The following MTREX variants were observed in gnomAD, a reference collection of about 807,000 sequenced individuals.
The protein encoded by MTREX is Mtr4 exosome RNA helicase.
A neutral mutation model predicts 135.4 loss-of-function variants in MTREX; 76 were observed. The observed-to-expected ratio is 0.56, with a 90% CI of 0.47 to 0.68. The LOEUF is 0.68. Ranked by LOEUF, MTREX falls within the 30% of genes least tolerant of loss-of-function variation. The pLI, the probability that MTREX is intolerant of heterozygous loss-of-function variation, is 0.00. For missense variants in MTREX, 920 were observed against 1,262.1 expected, an observed-to-expected ratio of 0.73 and a Z score of 4.11; for synonymous variants, 404 against 401.6, an observed-to-expected ratio of 1.01 and a Z score of -0.07.
intron 22 of MTREX, among the ~76,000 whole-genome samples, chr5:55,408,663 G>C (rs534111950): frequency 6.6e-6 from 1 of 152,168 alleles, no homozygotes; most frequent in South Asian, 2.1e-4. Context: ...GATTATAGAA[G>C]TCTAGAAACA....
In MTREX at chr5:55,414,186, G is replaced by C. The variant is rs1750929566; in HGVS notation, c.2756G>C (p.Ser919Thr). Residue 919 changes from serine to threonine, a missense_variant, in exon 24 of 27, where the codon AGT (serine) becomes ACT (threonine). By Grantham distance (58) the Ser-to-Thr change is moderately conservative. This residue lies in a region of MTREX where 467 missense variants were observed against 589.7 expected (regional missense o/e 0.79). Transcript: ENST00000230640. ...TGTTTTCCTTTTCTTTTATAGTCTA[G>C]TGAGATGCCCAAATTAACAGAACAA... The part of the protein sequence containing the change: ...LSCFVFQENS[S>T]EMPKLTEQLA... 2.6e-6 allele frequency: 4 copies of C among 1,568,580 alleles called. No homozygotes were observed. The highest frequency in any genetic ancestry group is 3.4e-6 in the Non-Finnish European group (4 of 1,166,530).
chr5:55,395,538 A>G lies in MTREX; in HGVS notation c.2182-1878A>G, dbSNP rs1011775351. ...GGCAAACTGAAAGTTTAATGAAGAA[A>G]GGATATTTACAAAGTCTCTAAAGGC... On this transcript the variant is annotated intron_variant, in intron 19 of 26. Coordinates refer to ENST00000230640, the MANE Select transcript of MTREX (RefSeq NM_015360.5). 4.6e-5 allele frequency among the ~76,000 whole-genome samples: 7 copies of G among 152,210 alleles called. No homozygotes were observed. The East Asian group carries it at 1.2e-3, about 25-fold the overall frequency.
intron 5 of MTREX, among the ~76,000 whole-genome samples, chr5:55,330,812 T>C (rs1258302875): frequency 1.3e-5 from 2 of 152,154 alleles, no homozygotes; most frequent in South Asian, 2.1e-4. Flanking sequence ...ACTCAAGTTA[T>C]ACTTACAGCA....
At chr5:55,394,566 A>C (rs908071499) in intron 19 of MTREX, among the ~76,000 whole-genome samples, 1 of 152,100 alleles carries the variant, frequency 6.6e-6, no homozygotes. Context: ...CCATGTTTGC[A>C]CTGGTATGAG....
At chr5:55,349,475 C>T in intron 11 of MTREX, 98 bp from the exon 12 acceptor site, 1 of 719,100 alleles carries the variant, frequency 1.4e-6, no homozygotes, top group Non-Finnish European at 2.5e-6. Flanking sequence ...AAGCTTGGGA[C>T]ACCACGCCTG....
chr5:55,362,422 G>A (rs1399944240), intron 15 of MTREX, among the ~76,000 whole-genome samples: 1 of 152,062 alleles, frequency 6.6e-6, no homozygotes, highest in African/African-American at 2.4e-5. Context: ...GTGCAGTGGT[G>A]TGATCTTGGC....
In MTREX at chr5:55,425,096, A is replaced by G; in HGVS notation, c.*324A>G. On this transcript the variant is annotated 3_prime_UTR_variant, in exon 27 of 27. Coordinates refer to ENST00000230640, the MANE Select transcript of MTREX (RefSeq NM_015360.5). ...TGCATCCAAGAGGCATAGCAGCAGC[A>G]GAAGTCTTTAAAGGCTTGTACACCA... 1.5e-6 allele frequency: 2 copies of G among 1,377,500 alleles called. No individual in the cohort carries two copies. The highest frequency in any genetic ancestry group is 2.0e-6 in the Non-Finnish European group (2 of 1,012,742). 85.3% of individuals were successfully genotyped at this position (1,377,500 alleles called of 1,614,324 possible).
chr5:55,353,314 A>G (rs912630074), intron 14 of MTREX, 45 bp downstream of exon 14: 3 of 1,263,768 alleles, frequency 2.4e-6, no homozygotes, highest in Admixed American at 1.9e-5. Flanking sequence ...TGTCTTTGTT[A>G]TACTATAGAT....
Position 55,340,174 on chromosome 5 carries a change from T to C in MTREX, c.680T>C (p.Met227Thr). Reference protein sequence around the residue: ...TINPTASCLVMTTEILRSMLY... With the variant: ...TINPTASCLVTTTEILRSMLY... ...AATCCTACGGCATCTTGTCTTGTTA[T>C]GACCACAGAGGTAATTCATGTAGTG... The change falls in exon 6 of 27, where the codon ATG (methionine) becomes ACG (threonine). Residue 227 changes from methionine to threonine, a missense_variant. Coordinates refer to ENST00000230640, the MANE Select transcript of MTREX (RefSeq NM_015360.5). The C allele has an allele frequency of 6.3e-7, 1 of 1,580,224 alleles. No homozygotes were observed. The highest frequency in any genetic ancestry group is 8.6e-7 in the Non-Finnish European group (1 of 1,164,846).
At position 55,423,040 on chromosome 5, in the gene MTREX, T is replaced by C. The variant is rs762084585; in HGVS notation, c.3076+58T>C. 5.1e-6 allele frequency: 7 copies of C among 1,365,402 alleles called. No individual in the cohort carries two copies. In the African/African-American group the frequency reaches 1.0e-4, roughly 20 times the overall value. The allele number at this position is 1,365,402 out of a possible 1,614,324, so 84.6% of individuals were successfully genotyped here. A position where few individuals can be genotyped will look rare whatever the true frequency, so the allele number is the denominator to read the frequency against. On this transcript the variant is annotated intron_variant, in intron 26 of 26. Transcript: ENST00000230640. ...TAGACAAATTTGGTGAAGCAAATCT[T>C]GAGCCCTGGACCACAACCTAGGAGG...
At position 55,331,613 on chromosome 5, in the gene MTREX, A is replaced by G. The variant is rs180970650; in HGVS notation, c.515+2802A>G. Reference sequence around the variant, plus strand: ...TAAGACTTATTCACGGATCATTACTACCTGAAGACTTGCAGATGCTCAGCA... The same window carrying G: ...TAAGACTTATTCACGGATCATTACTGCCTGAAGACTTGCAGATGCTCAGCA... On this transcript the variant is annotated intron_variant, in intron 5 of 26. Transcript: ENST00000230640. Among the ~76,000 whole-genome samples the G allele has an allele frequency of 5.3e-5, 8 of 152,246 alleles. No homozygotes were observed. In the East Asian group the frequency reaches 1.5e-3, roughly 29 times the overall value.
intron 20 of MTREX, among the ~76,000 whole-genome samples, chr5:55,399,198 A>G (rs1427103455): frequency 1.3e-5 from 2 of 152,202 alleles, no homozygotes; most frequent in Non-Finnish European, 2.9e-5. Context: ...TACCAGAGAT[A>G]TCAGTCTTTT....
chr5:55,375,803 TATTA>T (rs1314895619), intron 16 of MTREX, among the ~76,000 whole-genome samples: 2 of 152,208 alleles, frequency 1.3e-5, no homozygotes, highest in African/African-American at 4.8e-5. Context: ...ATTACAAAAG[TATTA>T]ATTTGGGGAA....
Position 55,358,631 on chromosome 5 carries a change from A to C in MTREX, c.1592A>C (p.Asp531Ala). 2 of 1,606,346 alleles carry C rather than the reference A, an allele frequency of 1.2e-6. No individual in the cohort carries two copies. Among genetic ancestry groups the C allele is most frequent in the Non-Finnish European group, 1.7e-6 (2 of 1,176,702 alleles). Residue 531 changes from aspartate to alanine, a missense_variant, in exon 15 of 27, where the codon GAT becomes GCT. By Grantham distance (126) the Asp-to-Ala change is moderately radical. This residue lies in a region of MTREX where 46 missense variants were observed against 116.8 expected (regional missense o/e 0.39). Transcript: ENST00000230640. ...CGTGCTGGAAGGAGAGGAATGGATGATAGAGGAATTGTAATTCTTATGGTA... is the reference window on the plus strand; with the variant it reads ...CGTGCTGGAAGGAGAGGAATGGATGCTAGAGGAATTGTAATTCTTATGGTA... ...SGRAGRRGMD[D>A]RGIVILMVDE...
At chr5:55,413,624 A>C (rs969367569) in intron 23 of MTREX, among the ~76,000 whole-genome samples, 4 of 152,186 alleles carry the variant, frequency 2.6e-5, no homozygotes, top group Non-Finnish European at 5.9e-5. Context: ...AATTGACAGA[A>C]TTTTCAGCTG....
At chr5:55,340,643 G>A (rs1353781025) in intron 6 of MTREX, among the ~76,000 whole-genome samples, 1 of 152,120 alleles carries the variant, frequency 6.6e-6, no homozygotes, top group Non-Finnish European at 1.5e-5. Context: ...GTGCAGTGGT[G>A]CAACCTCTGC....
Position 55,397,534 on chromosome 5 carries a change from T to C in MTREX, c.2292+8T>C. The C allele has an allele frequency of 6.6e-7, 1 of 1,525,298 alleles. No individual in the cohort carries two copies. The highest frequency in any genetic ancestry group is 9.0e-7 in the Non-Finnish European group (1 of 1,109,846). The allele number at this position is 1,525,298 out of a possible 1,614,324, so 94.5% of individuals were successfully genotyped here. ...GTTTTAAAATCAATACAGGTATGTG[T>C]TAATTTCATAAGTTAAGTATAAATT... On this transcript the variant is annotated splice_region_variant and intron_variant, in intron 20 of 26. Transcript: ENST00000230640.
intron 20 of MTREX, among the ~76,000 whole-genome samples, chr5:55,398,722 TTTTC>T (rs1432013597): frequency 1.3e-5 from 2 of 152,212 alleles, no homozygotes; most frequent in Non-Finnish European, 2.9e-5. Context: ...TGAAATTAAT[TTTTC>T]TTTGTCTATT....
At chr5:55,354,093 A>T (rs1031770311) in intron 14 of MTREX, among the ~76,000 whole-genome samples, 16 of 152,244 alleles carry the variant, frequency 1.1e-4, no homozygotes, top group African/African-American at 3.9e-4. Context: ...TTTAGTAAAC[A>T]ATTACCAAAC....
Sources: gnomAD v4.1 joint callset for allele counts (sites outside exome capture counted in the v4.1 genomes callset) on GRCh38, gnomAD v4.1.1 for gene constraint, gnomAD v4.1.1 regional missense constraint, MANE v1.5 for transcripts, NCBI Gene and HGNC (gene_info 2026-07-23, HGNC 2026-07-21) for gene names.